The following SNCAIP variants were observed in gnomAD, a reference collection of about 807,000 sequenced individuals.
SNCAIP encodes the protein synphilin-1.
SNCAIP carries 43 observed loss-of-function variants against 86.7 expected under a neutral mutation model. The observed-to-expected ratio is 0.50, with a 90% CI of 0.39 to 0.64. The LOEUF is 0.64. Ranked by LOEUF, SNCAIP falls within the 30% of genes least tolerant of loss-of-function variation. The pLI, the probability that SNCAIP is intolerant of heterozygous loss-of-function variation, is 0.00. For missense variants in SNCAIP, 981 were observed against 1,103.1 expected, an observed-to-expected ratio of 0.89 and a Z score of 1.57; for synonymous variants, 417 against 427.2, an observed-to-expected ratio of 0.98 and a Z score of 0.29.
At chr5:122,328,622 G>A (rs1754614396) in intron 1 of SNCAIP, among the ~76,000 whole-genome samples, 2 of 152,028 alleles carry the variant, frequency 1.3e-5, no homozygotes, top group South Asian at 4.2e-4. Context: ...AATTACTGCA[G>A]CAACATCTTA....
At chr5:122,343,683 C>G (rs1484927695) in intron 1 of SNCAIP, among the ~76,000 whole-genome samples, 1 of 152,152 alleles carries the variant, frequency 6.6e-6, no homozygotes. Flanking sequence ...CCTACTGACC[C>G]TTTGGATCGG....
intron 1 of SNCAIP, among the ~76,000 whole-genome samples, chr5:122,322,489 A>G (rs956571577): frequency 6.6e-6 from 1 of 152,224 alleles, no homozygotes; most frequent in Non-Finnish European, 1.5e-5. Flanking sequence ...CTTAAAGAGT[A>G]CATTGGACTG....
At chr5:122,436,660 A>T (rs974472052) in intron 6 of SNCAIP, 1 of 152,206 alleles carries the variant, frequency 6.6e-6, no homozygotes, top group Non-Finnish European at 1.5e-5. Flanking sequence ...TAGATTTGAT[A>T]ATCTATGATC....
chr5:122,387,269 C>T (rs934074901), intron 1 of SNCAIP, among the ~76,000 whole-genome samples: 1 of 152,074 alleles, frequency 6.6e-6, no homozygotes, highest in Non-Finnish European at 1.5e-5. Flanking sequence ...AGTGATTCTC[C>T]TGCCTCAGCC....
At position 122,378,800 on chromosome 5, in the gene SNCAIP, C is replaced by G. The variant is rs575090993; in HGVS notation, c.-46-12289C>G. 2.1e-3 allele frequency among the ~76,000 whole-genome samples: 308 copies of G among 144,640 alleles called. 23 individuals carry two copies. The highest frequency in any genetic ancestry group is 7.5e-3 in the African/African-American group (289 of 38,560). The allele number at this position is 144,640 out of a possible 152,430, so 94.9% of individuals were successfully genotyped here. A position where few individuals can be genotyped will look rare whatever the true frequency, so the allele number is the denominator to read the frequency against. On this transcript the variant is annotated intron_variant, in intron 1 of 10. Transcript: ENST00000261368. ...CAGCACCATTTATTAAATAGGGAAT[C>G]CTTCCCCATTGCTTGTTTTTCTCAG...
chr5:122,327,181 G>T (rs1187449243), intron 1 of SNCAIP, among the ~76,000 whole-genome samples: 1 of 152,016 alleles, frequency 6.6e-6, no homozygotes, highest in Non-Finnish European at 1.5e-5. Context: ...TATTCTAAAT[G>T]ATTTCACTGT....
At chr5:122,336,366 G>C (rs1756463389) in intron 1 of SNCAIP, among the ~76,000 whole-genome samples, 1 of 152,202 alleles carries the variant, frequency 6.6e-6, no homozygotes, top group South Asian at 2.1e-4. Flanking sequence ...ACTTGTCCAA[G>C]ATCATACAGC....
At chr5:122,376,799 G>A (rs1765416162) in intron 1 of SNCAIP, among the ~76,000 whole-genome samples, 1 of 152,096 alleles carries the variant, frequency 6.6e-6, no homozygotes, top group African/African-American at 2.4e-5. Context: ...GATGGTCATG[G>A]CAGCACTCTG....
At chr5:122,355,949 A>G (rs1760916390) in intron 1 of SNCAIP, among the ~76,000 whole-genome samples, 3 of 151,770 alleles carry the variant, frequency 2.0e-5, no homozygotes, top group African/African-American at 4.8e-5. Flanking sequence ...CTATACCCCA[A>G]CTCTCCTGTT....
intron 1 of SNCAIP, among the ~76,000 whole-genome samples, chr5:122,347,429 T>C (rs1032570731): frequency 2.0e-5 from 3 of 150,578 alleles, no homozygotes; most frequent in Admixed American, 2.0e-4. Context: ...TTGACAGGCC[T>C]CTGTGCTTGA....
chr5:122,443,428 T>C (rs1408847163), intron 7 of SNCAIP: 1 of 287,702 alleles, frequency 3.5e-6, no homozygotes, highest in Non-Finnish European at 7.1e-6. Flanking sequence ...CCATGTTCCA[T>C]CAAATTTCTC....
At chr5:122,426,005 C>T (rs1326612442) in intron 5 of SNCAIP, among the ~76,000 whole-genome samples, 1 of 152,120 alleles carries the variant, frequency 6.6e-6, no homozygotes, top group African/African-American at 2.4e-5. Flanking sequence ...GTATCAGTGC[C>T]GAGTTTGAGT....
intron 4 of SNCAIP, among the ~76,000 whole-genome samples, chr5:122,424,980 A>G (rs1777076819): frequency 6.6e-6 from 1 of 152,222 alleles, no homozygotes; most frequent in Non-Finnish European, 1.5e-5. Context: ...TCATTCAACA[A>G]ACATAGAACA....
At chr5:122,408,561 A>G (rs1442790774) in intron 3 of SNCAIP, among the ~76,000 whole-genome samples, 1 of 152,188 alleles carries the variant, frequency 6.6e-6, no homozygotes, top group African/African-American at 2.4e-5. Context: ...ATTGAAGTCT[A>G]TGTTTTCCCC....
intron 1 of SNCAIP, among the ~76,000 whole-genome samples, chr5:122,387,162 G>A (rs1768331248): frequency 6.6e-6 from 1 of 152,086 alleles, no homozygotes; most frequent in Non-Finnish European, 1.5e-5. Context: ...TTGTTTGTTT[G>A]TTTGTTTGTT....
chr5:122,410,870 C>T (rs1463420151), intron 3 of SNCAIP, among the ~76,000 whole-genome samples: 4 of 152,286 alleles, frequency 2.6e-5, no homozygotes, highest in Admixed American at 6.5e-5. Flanking sequence ...CTGAAGGTAG[C>T]AGAGCTTAAA....
At chr5:122,432,762 A>C (rs1270208276) in intron 6 of SNCAIP, among the ~76,000 whole-genome samples, 2 of 147,348 alleles carry the variant, frequency 1.4e-5, no homozygotes, top group Admixed American at 1.4e-4. Flanking sequence ...GTTTGCAGTT[A>C]AAAAAAAAAA....
At position 122,330,786 on chromosome 5, in the gene SNCAIP, C is replaced by T. The variant is rs1001777891; in HGVS notation, c.-47+18502C>T. 2.6e-5 allele frequency among the ~76,000 whole-genome samples: 4 copies of T among 152,080 alleles called. No homozygotes were observed. The South Asian group carries it at 6.2e-4, about 24-fold the overall frequency. On this transcript the variant is annotated intron_variant, in intron 1 of 10. Transcript: ENST00000261368. ...GTTTCAGGATGATTCAAGCGCATTA[C>T]GTTTATTGTACACTTTATTTCTATT...
chr5:122,394,338 T>C (rs1282080614), intron 2 of SNCAIP, among the ~76,000 whole-genome samples: 1 of 152,180 alleles, frequency 6.6e-6, no homozygotes, highest in Non-Finnish European at 1.5e-5. Context: ...GTAAGCTGTA[T>C]ATTGGTAGAA....
Sources: allele counts gnomAD v4.1 joint callset (sites outside exome capture counted in the v4.1 genomes callset), GRCh38; gene constraint gnomAD v4.1.1; transcripts MANE v1.5; gene names NCBI Gene and HGNC (gene_info 2026-07-23, HGNC 2026-07-21).